CHMP1A: variants seen among roughly 807,000 people sequenced by gnomAD.
CHMP1A encodes the protein VPS46 homolog A.
CHMP1A carries 17 observed loss-of-function variants against 27.0 expected under a neutral mutation model. The observed-to-expected ratio is 0.63, with a 90% CI of 0.43 to 0.95. The LOEUF (loss-of-function observed/expected upper bound fraction) is 0.95. Ranked by LOEUF, CHMP1A falls within the 40% of genes least tolerant of loss-of-function variation. The probability of loss-of-function intolerance (pLI) is 0.00; values close to 1 mark genes in which losing one functional copy is unlikely to be tolerated. For synonymous variants in CHMP1A, 131 were observed against 107.5 expected, an observed-to-expected ratio of 1.22 and a Z score of -1.35; for missense variants, 275 against 264.0, an observed-to-expected ratio of 1.04 and a Z score of -0.29.
At chr16:89,654,953 A>T (rs977032935) in intron 1 of CHMP1A, among the ~76,000 whole-genome samples, 1 of 137,482 alleles carries the variant, frequency 7.3e-6, no homozygotes, top group Non-Finnish European at 1.6e-5. Context: ...AAAAAAAAAA[A>T]GAAAAAATAT....
Position 89,645,731 on chromosome 16 carries a change from G to A in CHMP1A, c.*335C>T, listed in dbSNP as rs2059768234. Reference sequence around the variant, plus strand: ...GCAGCCCTGACCCCCTCTGGCTGATGGGAAGCAGCATGTCTGCTGCCCCAG... The same window carrying A: ...GCAGCCCTGACCCCCTCTGGCTGATAGGAAGCAGCATGTCTGCTGCCCCAG... On this transcript the variant is annotated 3_prime_UTR_variant, in exon 7 of 7. Transcript: ENST00000397901. The A allele has an allele frequency of 2.0e-6, 1 of 497,608 alleles. No homozygotes were observed. The highest frequency in any genetic ancestry group is 5.3e-5 in the East Asian group (1 of 18,948). The allele number at this position is 497,608 out of a possible 1,614,324, so 30.8% of individuals were successfully genotyped here.
intron 3 of CHMP1A, among the ~76,000 whole-genome samples, chr16:89,650,228 G>C (rs1371244135): frequency 6.6e-6 from 1 of 152,088 alleles, no homozygotes; most frequent in Non-Finnish European, 1.5e-5. Flanking sequence ...GCCCAGGATG[G>C]AGTGCAGCAG....
At chr16:89,646,884 G>GGGCCCC in intron 5 of CHMP1A, 170 bp from the exon 6 acceptor site, 9 of 709,050 alleles carry the variant, frequency 1.3e-5, no homozygotes, top group Non-Finnish European at 1.7e-5. Flanking sequence ...AGCCTTTCCT[G>GGGCCCC]CCCCCCCACC....
In CHMP1A at chr16:89,645,946, G is replaced by A. The variant is rs762273089; in HGVS notation, c.*120C>T. On this transcript the variant is annotated 3_prime_UTR_variant, in exon 7 of 7. Coordinates refer to ENST00000397901, the MANE Select transcript of CHMP1A (RefSeq NM_002768.5). Reference sequence around the variant, plus strand: ...CACGCAGGCCTGGCAGGTGAGAGACGCAGAGTGGCTGCCGGCCGCAGCCCC... The same window carrying A: ...CACGCAGGCCTGGCAGGTGAGAGACACAGAGTGGCTGCCGGCCGCAGCCCC... The A allele has an allele frequency of 1.5e-5, 24 of 1,611,190 alleles. No individual in the cohort carries two copies. The highest frequency in any genetic ancestry group is 2.2e-5 in the East Asian group (1 of 44,788).
At chr16:89,657,507 G>T in intron 1 of CHMP1A, 75 bp downstream of exon 1, 1 of 1,582,826 alleles carries the variant, frequency 6.3e-7, no homozygotes, top group Non-Finnish European at 8.6e-7. Context: ...GCCCCAGGTG[G>T]GCGGAGCCCA....
intron 6 of CHMP1A, 54 bp downstream of exon 6, chr16:89,646,473 C>A: frequency 6.7e-7 from 1 of 1,488,850 alleles, no homozygotes; most frequent in South Asian, 1.3e-5. Context: ...CTCTCCCTTC[C>A]CACAGCACCA....
At chr16:89,649,690 C>T (rs1398216118) in intron 3 of CHMP1A, 193 bp from the exon 4 acceptor site, 7 of 609,828 alleles carry the variant, frequency 1.1e-5, no homozygotes, top group Non-Finnish European at 1.7e-5. Context: ...ATTCTCCTGC[C>T]TCAGCCTCCC....
chr16:89,649,318 G>A (rs370517828), intron 4 of CHMP1A, 33 bp downstream of exon 4: 170 of 1,597,442 alleles, frequency 1.1e-4, no homozygotes, highest in African/African-American at 8.5e-4. Context: ...GCCAGCGAAC[G>A]CCACCCATCC....
At position 89,645,356 on chromosome 16, in the gene CHMP1A, G is replaced by C. The variant is rs964397573; in HGVS notation, c.*710C>G. ...ACATGTGGCCAAAGGCACCTCCAGA[G>C]GCAGCAGCTGAGTGAGGATGAAGAC... On this transcript the variant is annotated 3_prime_UTR_variant, in exon 7 of 7. Coordinates refer to ENST00000397901, the MANE Select transcript of CHMP1A (RefSeq NM_002768.5). 4 of 154,186 alleles carry C rather than the reference G, an allele frequency of 2.6e-5. No individual in the cohort carries two copies. The highest frequency in any genetic ancestry group is 9.6e-5 in the African/African-American group (4 of 41,484). 9.6% of individuals were successfully genotyped at this position (154,186 alleles called of 1,614,324 possible). A position where few individuals can be genotyped will look rare whatever the true frequency, so the allele number is the denominator to read the frequency against.
Position 89,645,613 on chromosome 16 carries a change from T to C in CHMP1A, c.*453A>G, listed in dbSNP as rs1483048791. ...ACATCCCCCAGCACACATAGACCTG[T>C]GGTGCCTCCTTGGGCTATGTCTGTC... On this transcript the variant is annotated 3_prime_UTR_variant, in exon 7 of 7. Coordinates refer to ENST00000397901, the MANE Select transcript of CHMP1A (RefSeq NM_002768.5). 3.5e-6 allele frequency: 1 copy of C among 287,774 alleles called. No individual in the cohort carries two copies. The highest frequency in any genetic ancestry group is 6.7e-6 in the Non-Finnish European group (1 of 148,404). The allele number at this position is 287,774 out of a possible 1,614,324, so 17.8% of individuals were successfully genotyped here.
rs939259314 is a variant in CHMP1A, at chr16:89,653,816, G to A, written c.27+88C>T. 1.5e-5 allele frequency: 20 copies of A among 1,375,012 alleles called. 1 individual carries two copies. Among genetic ancestry groups the A allele is most frequent in the Middle Eastern group, 1.8e-4 (1 of 5,612 alleles). 85.2% of individuals were successfully genotyped at this position (1,375,012 alleles called of 1,614,324 possible). A position where few individuals can be genotyped will look rare whatever the true frequency, so the allele number is the denominator to read the frequency against. ...CACTCAACTGTTATATAATCTGCCC[G>A]ACTGTTTCTGTGGCTCTGAGTGAGC... On this transcript the variant is annotated intron_variant, in intron 2 of 6. Transcript: ENST00000397901.
intron 2 of CHMP1A, among the ~76,000 whole-genome samples, chr16:89,652,175 C>T (rs1051970126): frequency 5.3e-5 from 8 of 152,214 alleles, no homozygotes; most frequent in African/African-American, 9.6e-5. Context: ...CAGCACCACA[C>T]GGAAACAGGG....
At chr16:89,653,179 G>A (rs1230230733) in intron 2 of CHMP1A, among the ~76,000 whole-genome samples, 5 of 150,478 alleles carry the variant, frequency 3.3e-5, no homozygotes, top group South Asian at 4.2e-4. Flanking sequence ...CACCGCGCCC[G>A]GCTAATTTTT....
chr16:89,647,316 C>T lies in CHMP1A; in HGVS notation c.268G>A (p.Ala90Thr). 1 of 1,609,362 alleles carries T rather than the reference C, an allele frequency of 6.2e-7. No individual in the cohort carries two copies. Among genetic ancestry groups the T allele is most frequent in the Non-Finnish European group, 8.5e-7 (1 of 1,176,564 alleles). ...TTGTCCAGGGCTTTGGTCACCTGGG[C>T]CATATTCTTGGTCACCTGAGACAGG... ...VTMKGVTKNM[A>T]QVTKALDKAL... The change falls in exon 5 of 7, where the codon GCC (alanine) becomes ACC (threonine). Residue 90 changes from alanine to threonine, a missense_variant. Transcript: ENST00000397901.
At chr16:89,651,307 G>A (rs1203785453) in intron 3 of CHMP1A, among the ~76,000 whole-genome samples, 1 of 143,992 alleles carries the variant, frequency 6.9e-6, no homozygotes, top group Non-Finnish European at 1.6e-5. Flanking sequence ...GGAGGCGGAG[G>A]TTGCAGTGAG....
intron 6 of CHMP1A, 78 bp downstream of exon 6, chr16:89,646,449 T>C (rs1274450282): frequency 1.5e-5 from 22 of 1,420,544 alleles, no homozygotes; most frequent in Non-Finnish European, 2.0e-5. Flanking sequence ...CTCCAGCCTC[T>C]AACCCACAAC....
rs987528739 is a variant in CHMP1A at position 89,647,460 on chromosome 16, C to T, written c.253-129G>A. ...AACCCTGACCCACAAAACCCCAACT[C>T]TGGGCTGAGCCATCATCTGGGTCCT... is the stretch of plus-strand genomic sequence containing the variant. On this transcript the variant is annotated intron_variant, in intron 4 of 6. Transcript: ENST00000397901. 22 of 794,582 alleles carry T rather than the reference C, an allele frequency of 2.8e-5. No individual in the cohort carries two copies. The Admixed American group carries it at 4.0e-4, about 14-fold the overall frequency. 49.2% of individuals were successfully genotyped at this position (794,582 alleles called of 1,614,324 possible).
intron 1 of CHMP1A, among the ~76,000 whole-genome samples, chr16:89,656,657 G>A (rs1240733924): frequency 2.0e-5 from 3 of 152,220 alleles, no homozygotes; most frequent in Non-Finnish European, 2.9e-5. Context: ...ATGGAGAATG[G>A]ACGCAAAGAG....
chr16:89,649,144 C>G (rs956332111), intron 4 of CHMP1A: 4 of 362,482 alleles, frequency 1.1e-5, no homozygotes, highest in Non-Finnish European at 1.8e-5. Flanking sequence ...CCACCCCACG[C>G]TGATCCAGCT....
Sources: gnomAD v4.1 joint callset for allele counts (sites outside exome capture counted in the v4.1 genomes callset) on GRCh38, gnomAD v4.1.1 for gene constraint, MANE v1.5 for transcripts, NCBI Gene and HGNC (gene_info 2026-07-23, HGNC 2026-07-21) for gene names.